Variants in TIGD4 observed in about 807,000 individuals in gnomAD.
TIGD4 encodes tigger transposable element derived 4.
In TIGD4, 20 loss-of-function variants were observed where a neutral mutation model predicts 24.9. That is an observed-to-expected ratio of 0.80 (90% CI 0.56 to 1.17). The LOEUF is 1.17. Ranked by LOEUF, TIGD4 falls within the 50% of genes most tolerant of loss-of-function variation. The pLI is 0.00. For missense variants in TIGD4, 566 were observed against 591.0 expected, an observed-to-expected ratio of 0.96 and a Z score of 0.44; for synonymous variants, 193 against 211.0, an observed-to-expected ratio of 0.91 and a Z score of 0.74.
intron 1 of TIGD4, among the ~76,000 whole-genome samples, chr4:152,773,966 A>T (rs897502826): frequency 1.3e-5 from 2 of 152,008 alleles, no homozygotes; most frequent in Non-Finnish European, 2.9e-5. Context: ...TACTATGAGA[A>T]TCTCTCAACT....
At position 152,769,619 on chromosome 4, in the gene TIGD4, A is replaced by C. The variant is rs760347785; in HGVS notation, c.1386T>G (p.Ser462=). ...ATGGTAAAGGGAGTTCAGTTCCTGG[A>C]GATCCATCATCATCCTCTTCATCAG... ...YTSDEEDDDG[S]PGTELPLPSK... The change falls in exon 2 of 2, where the codon TCT becomes TCG. Residue 462 remains serine, a synonymous_variant. Transcript: ENST00000304337. 1.2e-6 allele frequency: 2 copies of C among 1,613,596 alleles called. No homozygotes were observed. The highest frequency in any genetic ancestry group is 1.7e-6 in the Non-Finnish European group (2 of 1,179,788).
chr4:152,771,033 C>A lies in TIGD4; in HGVS notation c.-29G>T. ...AGCCAGTGCTTATGTAGAGATTACT[C>A]TTCTTAACTTCCTGGTGACTGTTTC... On this transcript the variant is annotated 5_prime_UTR_variant, in exon 2 of 2. Coordinates refer to ENST00000304337, the MANE Select transcript of TIGD4 (RefSeq NM_145720.4). The A allele has an allele frequency of 6.4e-7, 1 of 1,550,654 alleles. No individual in the cohort carries two copies. Among genetic ancestry groups the A allele is most frequent in the South Asian group, 1.3e-5 (1 of 79,976 alleles).
intron 1 of TIGD4, among the ~76,000 whole-genome samples, chr4:152,778,204 A>T (rs1313327713): frequency 1.3e-5 from 2 of 152,188 alleles, no homozygotes; most frequent in African/African-American, 4.8e-5. Flanking sequence ...GACTAACTTT[A>T]GTCAAGCTAA....
Position 152,770,362 on chromosome 4 carries a change from TTATTC to T in TIGD4, c.638_642del (p.Arg213AsnfsTer39). ...TCCATGTTTGTGCCAACCACCAGAG[TTATTC>T]TGTCTTTGCATAACTTTCCAACTGA... On this transcript the variant is annotated frameshift_variant, in exon 2 of 2. Transcript: ENST00000304337. LOFTEE classifies it high-confidence loss of function. 1 of 1,614,086 alleles carries T rather than the reference TTATTC, an allele frequency of 6.2e-7. No homozygotes were observed. Among genetic ancestry groups the T allele is most frequent in the Non-Finnish European group, 8.5e-7 (1 of 1,179,956 alleles).
intron 1 of TIGD4, among the ~76,000 whole-genome samples, chr4:152,776,639 C>T (rs1730265929): frequency 6.6e-6 from 1 of 152,148 alleles, no homozygotes; most frequent in Admixed American, 6.5e-5. Context: ...CTACTTGTAC[C>T]ATTACCCTAA....
chr4:152,773,000 G>A (rs1035973444), intron 1 of TIGD4, among the ~76,000 whole-genome samples: 6 of 152,118 alleles, frequency 3.9e-5, no homozygotes, highest in African/African-American at 7.2e-5. Flanking sequence ...GATTACAGGC[G>A]TGAGCCACTG....
chr4:152,770,072 T>C lies in TIGD4; in HGVS notation c.933A>G (p.Leu311=), dbSNP rs527498419. The change falls in exon 2 of 2, where the codon TTA becomes TTG. Residue 311 remains leucine (L), a synonymous_variant. Transcript: ENST00000304337. ...GTTTCATAGCTATACATTTGGAAGA[T>C]AAACATGATGGAAAGAATGCTAACT... ...SIELAFFPSC[L]SSKCIAMKQG... 6.2e-7 allele frequency: 1 copy of C among 1,614,068 alleles called. No homozygotes were observed. Among genetic ancestry groups the C allele is most frequent in the Non-Finnish European group, 8.5e-7 (1 of 1,179,924 alleles).
At chr4:152,777,598 G>A (rs1304033188) in intron 1 of TIGD4, among the ~76,000 whole-genome samples, 2 of 140,974 alleles carry the variant, frequency 1.4e-5, no homozygotes, top group Non-Finnish European at 3.1e-5. Context: ...GGGAGGGAGG[G>A]AGGGAAGGAG....
rs1730160793 is a variant in TIGD4, at chr4:152,770,924, G to C, written c.81C>G (p.Ile27Met). ...KKKSLSIEEK[I>M]DIINAVESGK... ...CACTTTCCACTGCATTTATGATGTC[G>C]ATCTTTTCCTCAATGGATAGGCTTT... Residue 27 changes from isoleucine (I) to methionine (M), a missense_variant, in exon 2 of 2, where the codon ATC (isoleucine) becomes ATG (methionine). Physicochemically the swap from Ile to Met is conservative, Grantham distance 10. Coordinates refer to ENST00000304337, the MANE Select transcript of TIGD4 (RefSeq NM_145720.4). 1 of 1,613,606 alleles carries C rather than the reference G, an allele frequency of 6.2e-7. No homozygotes were observed. Among genetic ancestry groups the C allele is most frequent in the South Asian group, 1.1e-5 (1 of 91,020 alleles).
chr4:152,771,952 G>A (rs562189424), intron 1 of TIGD4, among the ~76,000 whole-genome samples: 95 of 152,182 alleles, frequency 6.2e-4, no homozygotes, highest in African/African-American at 2.2e-3. Context: ...GTAGTCACAA[G>A]GTTCAACTTT....
chr4:152,769,714 C>T lies in TIGD4; in HGVS notation c.1291G>A (p.Glu431Lys). The T allele has an allele frequency of 6.2e-7, 1 of 1,613,926 alleles. No individual in the cohort carries two copies. Among genetic ancestry groups the T allele is most frequent in the South Asian group, 1.1e-5 (1 of 91,066 alleles). ...AALDDDLETC[E>K]AAPNGDSICT... Reference sequence around the variant, plus strand: ...ATGGAATCACCATTTGGTGCTGCTTCACATGTCTCCAAATCATCATCCAGG... The same window carrying T: ...ATGGAATCACCATTTGGTGCTGCTTTACATGTCTCCAAATCATCATCCAGG... Residue 431 changes from glutamate (E) to lysine (K), a missense_variant, in exon 2 of 2, where the codon GAA (glutamate) becomes AAA (lysine). Glu to Lys is a moderately conservative substitution (Grantham distance 56). Coordinates refer to ENST00000304337, the MANE Select transcript of TIGD4 (RefSeq NM_145720.4).
rs1194627961 is a variant in TIGD4, at chr4:152,771,093, T to C, written c.-89A>G. ...ATTTGTTTTCCAGTATAATATAGAT[T>C]GCTGCTTTCTATCCTACTTTATACA... is the stretch of plus-strand genomic sequence containing the variant. On this transcript the variant is annotated 5_prime_UTR_variant, in exon 2 of 2. Transcript: ENST00000304337. The C allele has an allele frequency of 2.1e-6, 3 of 1,420,988 alleles. No homozygotes were observed. The highest frequency in any genetic ancestry group is 2.8e-6 in the Non-Finnish European group (3 of 1,078,502). The allele number at this position is 1,420,988 out of a possible 1,614,324, so 88.0% of individuals were successfully genotyped here. A position where few individuals can be genotyped will look rare whatever the true frequency, so the allele number is the denominator to read the frequency against.
At chr4:152,774,425 C>G (rs567537517) in intron 1 of TIGD4, among the ~76,000 whole-genome samples, 2 of 152,310 alleles carry the variant, frequency 1.3e-5, no homozygotes, top group South Asian at 4.1e-4. Flanking sequence ...ACTACCTGAT[C>G]AATGAAGCTG....
At chr4:152,778,015 A>C (rs1730288445) in intron 1 of TIGD4, among the ~76,000 whole-genome samples, 1 of 151,992 alleles carries the variant, frequency 6.6e-6, no homozygotes, top group Non-Finnish European at 1.5e-5. Flanking sequence ...ACCAGAATTC[A>C]CTGAAGAGTA....
intron 1 of TIGD4, among the ~76,000 whole-genome samples, chr4:152,774,857 A>G (rs28592236): frequency 0.2 from 31,008 of 152,078 alleles, 3,368 homozygotes; most frequent in Admixed American, 0.27. Flanking sequence ...CAAATTTGCA[A>G]TATGATATAC....
At position 152,770,295 on chromosome 4, in the gene TIGD4, C is replaced by T. The variant is rs1280167896; in HGVS notation, c.710G>A (p.Arg237Lys). Residue 237 changes from arginine to lysine, a missense_variant, in exon 2 of 2, where the codon AGA becomes AAA. Arg to Lys is a conservative substitution (Grantham distance 26). Coordinates refer to ENST00000304337, the MANE Select transcript of TIGD4 (RefSeq NM_145720.4). ...TAAACCTTTGAAACAATGTGGAGTT[C>T]TCTTTTTTCCAATGACAAGCAAAGG... The part of the protein sequence containing the change: ...KLPLLVIGKK[R>K]TPHCFKGLKS... The T allele has an allele frequency of 6.2e-7, 1 of 1,613,950 alleles. No homozygotes were observed. The highest frequency in any genetic ancestry group is 8.5e-7 in the Non-Finnish European group (1 of 1,179,924).
chr4:152,769,596 G>A lies in TIGD4; in HGVS notation c.1409C>T (p.Pro470Leu). ...AGCAGTTATTGCCTCAGATTTTGAT[G>A]GTAAAGGGAGTTCAGTTCCTGGAGA... ...DGSPGTELPL[P>L]SKSEAITALD... Residue 470 changes from proline to leucine, a missense_variant, in exon 2 of 2, where the codon CCA becomes CTA. By Grantham distance (98) the Pro-to-Leu change is moderately conservative. Transcript: ENST00000304337. 1 of 1,613,674 alleles carries A rather than the reference G, an allele frequency of 6.2e-7. No homozygotes were observed. The highest frequency in any genetic ancestry group is 8.5e-7 in the Non-Finnish European group (1 of 1,179,782).
Position 152,770,315 on chromosome 4 carries a change from C to A in TIGD4, c.690G>T (p.Leu230Phe), listed in dbSNP as rs1730143709. ...GAGTTCTCTTTTTTCCAATGACAAG[C>A]AAAGGAAGTTTCTCTGAGCCATCCA... ...TNMDGSEKLP[L>F]LVIGKKRTPH... The change falls in exon 2 of 2, where the codon TTG becomes TTT. Residue 230 changes from leucine to phenylalanine, a missense_variant. Coordinates refer to ENST00000304337, the MANE Select transcript of TIGD4 (RefSeq NM_145720.4). The A allele has an allele frequency of 6.2e-7, 1 of 1,613,882 alleles. No homozygotes were observed. Among genetic ancestry groups the A allele is most frequent in the Non-Finnish European group, 8.5e-7 (1 of 1,179,936 alleles).
chr4:152,770,311 C>T lies in TIGD4; in HGVS notation c.694G>A (p.Val232Ile), dbSNP rs1322037678. The T allele has an allele frequency of 1.2e-6, 2 of 1,613,846 alleles. No individual in the cohort carries two copies. Among genetic ancestry groups the T allele is most frequent in the Middle Eastern group, 3.3e-4 (2 of 6,060 alleles). The change falls in exon 2 of 2, where the codon GTC becomes ATC. Residue 232 changes from valine to isoleucine, a missense_variant. Coordinates refer to ENST00000304337, the MANE Select transcript of TIGD4 (RefSeq NM_145720.4). ...TGTGGAGTTCTCTTTTTTCCAATGA[C>T]AAGCAAAGGAAGTTTCTCTGAGCCA... ...MDGSEKLPLL[V>I]IGKKRTPHCF...
Sources: allele counts gnomAD v4.1 joint callset (sites outside exome capture counted in the v4.1 genomes callset), GRCh38; gene constraint gnomAD v4.1.1; transcripts MANE v1.5; gene names NCBI Gene and HGNC (gene_info 2026-07-23, HGNC 2026-07-21).